Variants in PLEKHG6 observed in about 807,000 individuals in gnomAD.
PLEKHG6 encodes the protein pleckstrin homology and RhoGEF domain containing G6, also known as pleckstrin homology domain-containing family G member 6.
PLEKHG6 carries 91 observed loss-of-function variants against 97.5 expected under a neutral mutation model. That is an observed-to-expected ratio of 0.93 (90% CI 0.79 to 1.11). PLEKHG6 has a LOEUF of 1.11. PLEKHG6 is among the 50% of genes most tolerant of loss of function. The pLI is 0.00. For synonymous variants in PLEKHG6, 466 were observed against 425.5 expected, an observed-to-expected ratio of 1.10 and a Z score of -1.17; for missense variants, 1,044 against 1,031.0, an observed-to-expected ratio of 1.01 and a Z score of -0.17.
At position 6,314,054 on chromosome 12, in the gene PLEKHG6, A is replaced by T. The variant is rs549266316; in HGVS notation, c.294+270A>T. 2.0e-5 allele frequency among the ~76,000 whole-genome samples: 3 copies of T among 152,366 alleles called. No homozygotes were observed. The East Asian group carries it at 5.8e-4, about 29-fold the overall frequency. On this transcript the variant is annotated intron_variant, in intron 3 of 15. Transcript: ENST00000684764. Reference sequence around the variant, plus strand: ...TTTTTGAAAACTACCAAGTCAAATTACCAAGTTGCTGAGAGTCAGGTATGC... The same window carrying T: ...TTTTTGAAAACTACCAAGTCAAATTTCCAAGTTGCTGAGAGTCAGGTATGC...
chr12:6,318,715 T>G, intron 11 of PLEKHG6, 30 bp from the exon 12 acceptor site: 2 of 1,607,084 alleles, frequency 1.2e-6, no homozygotes, highest in Non-Finnish European at 1.7e-6. Context: ...CAGCTGACCC[T>G]GTCTCTTTCC....
chr12:6,314,922 G>A, intron 3 of PLEKHG6, 83 bp from the exon 4 acceptor site: 7 of 1,279,652 alleles, frequency 5.5e-6, no homozygotes, highest in Non-Finnish European at 6.6e-6. Context: ...TAACACACAT[G>A]CACACACACA....
intron 8 of PLEKHG6, 32 bp downstream of exon 8, chr12:6,317,445 G>T: frequency 6.2e-7 from 1 of 1,607,482 alleles, no homozygotes; most frequent in Non-Finnish European, 8.5e-7. Flanking sequence ...AGGGGGACGG[G>T]TGCATCTTAG....
rs779728267 is a variant in PLEKHG6, at chr12:6,313,680, G to C, written c.190G>C (p.Gly64Arg). Residue 64 changes from glycine to arginine, a missense_variant, in exon 3 of 16, where the codon GGC (glycine) becomes CGC (arginine). Coordinates refer to ENST00000684764, the MANE Select transcript of PLEKHG6 (RefSeq NM_001384598.1). ...QQYVPFARGS[G>R]QARGLSPMRL... ...GTATGTCCCCTTTGCCAGGGGTTCT[G>C]GCCAGGCCCGAGGCCTGTCACCCAT... 6.2e-7 allele frequency: 1 copy of C among 1,613,868 alleles called. No individual in the cohort carries two copies. The highest frequency in any genetic ancestry group is 1.3e-5 in the African/African-American group (1 of 74,922).
At chr12:6,312,766 T>G in intron 2 of PLEKHG6, 6 of 1,179,484 alleles carry the variant, frequency 5.1e-6, no homozygotes, top group Non-Finnish European at 6.3e-6. Flanking sequence ...AGGTTCAGGG[T>G]GTCCCTACTC....
intron 2 of PLEKHG6, chr12:6,312,883 G>T: frequency 7.4e-7 from 1 of 1,354,956 alleles, no homozygotes; most frequent in Non-Finnish European, 9.5e-7. Flanking sequence ...GTGGAAGCCA[G>T]GTCTGTCCCT....
rs1194712256 is a variant in PLEKHG6, at chr12:6,315,483, C to T, written c.460-71C>T. ...CTAGAACCTATGAAGTGGATCCGGTCGCACTTAACAGCTGGTACTTGCCAT... is the reference window on the plus strand; with the variant it reads ...CTAGAACCTATGAAGTGGATCCGGTTGCACTTAACAGCTGGTACTTGCCAT... On this transcript the variant is annotated intron_variant, in intron 4 of 15. Coordinates refer to ENST00000684764, the MANE Select transcript of PLEKHG6 (RefSeq NM_001384598.1). The surrounding 1 kb of genome is among the most constrained non-coding windows in gnomAD (Gnocchi z 4.5). 1.2e-5 allele frequency: 12 copies of T among 993,022 alleles called. No homozygotes were observed. The highest frequency in any genetic ancestry group is 1.6e-5 in the South Asian group (1 of 62,854). The allele number at this position is 993,022 out of a possible 1,614,324, so 61.5% of individuals were successfully genotyped here. A position where few individuals can be genotyped will look rare whatever the true frequency, so the allele number is the denominator to read the frequency against.
intron 2 of PLEKHG6, 58 bp from the exon 3 acceptor site, chr12:6,313,571 C>T (rs1318346431): frequency 1.5e-5 from 24 of 1,598,372 alleles, no homozygotes; most frequent in Non-Finnish European, 2.0e-5. Flanking sequence ...CCTACTACCT[C>T]TCTGGGGTTT....
chr12:6,328,179 C>T lies in PLEKHG6; in HGVS notation c.*34C>T, dbSNP rs745829228. On this transcript the variant is annotated 3_prime_UTR_variant, in exon 16 of 16. Transcript: ENST00000684764. ...GAGGACCTTTGGCATGCATCTCTCC[C>T]AGAGGAGATCTCTCCCCAGTAGTGC... 5 of 1,605,646 alleles carry T rather than the reference C, an allele frequency of 3.1e-6. No individual in the cohort carries two copies. Among genetic ancestry groups the T allele is most frequent in the East Asian group, 4.5e-5 (2 of 44,812 alleles).
chr12:6,327,988 G>C (rs904366401), intron 15 of PLEKHG6, 42 bp downstream of exon 15: 2 of 1,515,064 alleles, frequency 1.3e-6, no homozygotes, highest in Non-Finnish European at 1.8e-6. Flanking sequence ...GGGCAGACGG[G>C]GATGTCTGTA....
In PLEKHG6 at chr12:6,315,299, G is replaced by T. The variant is rs1372339346; in HGVS notation, c.459+130G>T. The T allele has an allele frequency of 4.1e-6, 4 of 984,638 alleles. No individual in the cohort carries two copies. Among genetic ancestry groups the T allele is most frequent in the African/African-American group, 1.6e-5 (1 of 61,062 alleles). The allele number at this position is 984,638 out of a possible 1,614,324, so 61.0% of individuals were successfully genotyped here. On this transcript the variant is annotated intron_variant, in intron 4 of 15. Transcript: ENST00000684764. This position sits in a 1 kb window ranked among gnomAD's most constrained non-coding sequence, Gnocchi z 4.5. The stretch of plus-strand genomic sequence containing the variant: ...AAAACATCTGGAAACGCGTTGATCT[G>T]GGTTCAGATCCCAGCTCTGCCACTT...
At position 6,314,278 on chromosome 12, in the gene PLEKHG6, G is replaced by A. The variant is rs111509798; in HGVS notation, c.294+494G>A. On this transcript the variant is annotated intron_variant, in intron 3 of 15. Coordinates refer to ENST00000684764, the MANE Select transcript of PLEKHG6 (RefSeq NM_001384598.1). ...AGCACTTTGGGAGGCCAAGACGGGC[G>A]GATCACCTGAGGTCAGGAGTTCGAA... 4.4e-3 allele frequency among the ~76,000 whole-genome samples: 670 copies of A among 152,178 alleles called. 4 individuals are homozygous for A. The highest frequency in any genetic ancestry group is 0.015 in the African/African-American group (641 of 41,518).
At chr12:6,321,775 C>T (rs1464884488) in intron 13 of PLEKHG6, among the ~76,000 whole-genome samples, 1 of 135,758 alleles carries the variant, frequency 7.4e-6, no homozygotes, top group African/African-American at 2.8e-5. Flanking sequence ...TGCAGTGAGC[C>T]GAGATCGCGC....
intron 13 of PLEKHG6, among the ~76,000 whole-genome samples, chr12:6,322,875 T>A (rs1317771786): frequency 3.3e-5 from 5 of 151,148 alleles, no homozygotes; most frequent in African/African-American, 9.8e-5. Flanking sequence ...GGTGAGACCT[T>A]GTCTAAAAAA....
intron 13 of PLEKHG6, among the ~76,000 whole-genome samples, chr12:6,323,487 G>C (rs1004909879): frequency 6.6e-6 from 1 of 152,200 alleles, no homozygotes; most frequent in Non-Finnish European, 1.5e-5. Context: ...TATTCCTAGC[G>C]GGTCTAGCTG....
At chr12:6,312,106 G>C (rs1363211537) in intron 1 of PLEKHG6, 53 bp from the exon 2 acceptor site, 2 of 867,106 alleles carry the variant, frequency 2.3e-6, no homozygotes, top group Non-Finnish European at 3.3e-6. Flanking sequence ...CTCCCGCCTG[G>C]TGCCATTCAC....
intron 2 of PLEKHG6, chr12:6,312,969 A>C: frequency 7.0e-7 from 1 of 1,430,238 alleles, no homozygotes; most frequent in Non-Finnish European, 9.2e-7. Flanking sequence ...AATGCACGAT[A>C]ATTTTGCCTT....
At chr12:6,312,442 T>A in intron 2 of PLEKHG6, 78 bp downstream of exon 2, 3 of 1,431,348 alleles carry the variant, frequency 2.1e-6, no homozygotes, top group Non-Finnish European at 2.8e-6. Context: ...CTCTGTCCCC[T>A]TACAGGTTCA....
At chr12:6,313,825 C>T in intron 3 of PLEKHG6, 41 bp downstream of exon 3, 1 of 1,511,234 alleles carries the variant, frequency 6.6e-7, no homozygotes, top group Non-Finnish European at 8.9e-7. Flanking sequence ...ACATACGGCC[C>T]CAATTGTGAT....
Sources: allele counts gnomAD v4.1 joint callset (sites outside exome capture counted in the v4.1 genomes callset), GRCh38; gene constraint gnomAD v4.1.1; non-coding constraint Gnocchi (gnomAD v3.1); transcripts MANE v1.5; gene names NCBI Gene and HGNC (gene_info 2026-07-23, HGNC 2026-07-21).